Variants in DCDC2C observed in about 807,000 individuals in gnomAD.
DCDC2C encodes doublecortin domain-containing protein 2C.
A neutral mutation model predicts 45.0 loss-of-function variants in DCDC2C; 44 were observed. The observed-to-expected ratio is 0.98, with a 90% CI of 0.77 to 1.26. DCDC2C has a LOEUF of 1.26. Among genes scored for constraint, DCDC2C ranks in the 50% most tolerant of loss-of-function variants. The probability of loss-of-function intolerance (pLI) is 0.00; values close to 1 mark genes in which losing one functional copy is unlikely to be tolerated. For missense variants in DCDC2C, 447 were observed against 468.9 expected, an observed-to-expected ratio of 0.95 and a Z score of 0.43; for synonymous variants, 187 against 178.8, an observed-to-expected ratio of 1.05 and a Z score of -0.37.
At chr2:3,710,509 C>A (rs1668176306) in intron 2 of DCDC2C, among the ~76,000 whole-genome samples, 2 of 152,158 alleles carry the variant, frequency 1.3e-5, no homozygotes, top group South Asian at 4.2e-4. Context: ...CTTCCAACTC[C>A]ATCCATGTCC....
chr2:3,769,638 C>T (rs1446331310), intron 8 of DCDC2C, among the ~76,000 whole-genome samples: 1 of 152,208 alleles, frequency 6.6e-6, no homozygotes, highest in African/African-American at 2.4e-5. Context: ...TAACACTTCA[C>T]TGTGTGTGAC....
rs141097417 is a variant in DCDC2C at position 3,742,348 on chromosome 2, A to C, written c.545+300A>C. ...CCCTATTGAGTGGGCCGACCGTTCA[A>C]GTTGCTAGAATGCTGCAGTTGGTAT... On this transcript the variant is annotated intron_variant, in intron 4 of 10. Coordinates refer to ENST00000399143, the MANE Select transcript of DCDC2C (RefSeq NM_001287444.2). Among the ~76,000 whole-genome samples, 331 of 152,292 alleles carry C rather than the reference A, an allele frequency of 2.2e-3. 4 individuals carry two copies. The highest frequency in any genetic ancestry group is 7.3e-3 in the African/African-American group (302 of 41,556).
intron 10 of DCDC2C, among the ~76,000 whole-genome samples, 199 bp from the exon 11 acceptor site, chr2:3,846,955 G>A (rs17508903): frequency 0.03 from 4,509 of 152,296 alleles, 103 homozygotes; most frequent in Non-Finnish European, 0.05. Flanking sequence ...GGTTCTGCAC[G>A]GCGGCATGTT....
In DCDC2C at chr2:3,847,207, G is replaced by A. The variant is rs1179740961; in HGVS notation, c.*24G>A. ...AACAAAACCACCTTTATTATTACCT[G>A]AAGTCCACTTTTCTTCAACCATGGG... is the stretch of plus-strand genomic sequence containing the variant. On this transcript the variant is annotated 3_prime_UTR_variant, in exon 11 of 11. Transcript: ENST00000399143. The A allele has an allele frequency of 4.1e-6, 5 of 1,230,092 alleles. No individual in the cohort carries two copies. The highest frequency in any genetic ancestry group is 4.2e-5 in the Admixed American group (1 of 23,692). 76.2% of individuals were successfully genotyped at this position (1,230,092 alleles called of 1,614,324 possible).
At chr2:3,788,212 A>T (rs1670704490) in intron 10 of DCDC2C, among the ~76,000 whole-genome samples, 1 of 152,264 alleles carries the variant, frequency 6.6e-6, no homozygotes, top group African/African-American at 2.4e-5. Flanking sequence ...AAAAGTAAAC[A>T]GATTGAATAA....
intron 6 of DCDC2C, among the ~76,000 whole-genome samples, chr2:3,759,733 GTA>G (rs1669826214): frequency 6.6e-6 from 1 of 152,220 alleles, no homozygotes; most frequent in South Asian, 2.1e-4. Flanking sequence ...ATGCATAAAA[GTA>G]TTTTCGATGT....
chr2:3,767,606 C>G (rs1486700089), intron 6 of DCDC2C, 148 bp from the exon 7 acceptor site: 1 of 812,746 alleles, frequency 1.2e-6, no homozygotes, highest in African/African-American at 1.8e-5. Context: ...AGGTTGCATT[C>G]GAAGTGAGGC....
chr2:3,743,961 T>A (rs946107903), intron 4 of DCDC2C, among the ~76,000 whole-genome samples: 19 of 152,016 alleles, frequency 1.2e-4, no homozygotes, highest in African/African-American at 4.6e-4. Flanking sequence ...CCCAGCTACT[T>A]GGGAGCCTGA....
intron 10 of DCDC2C, among the ~76,000 whole-genome samples, chr2:3,831,337 G>A (rs1398329132): frequency 2.6e-5 from 4 of 152,168 alleles, no homozygotes; most frequent in African/African-American, 9.7e-5. Flanking sequence ...AGAGAGCGAC[G>A]TGCACAAACC....
rs576353674 is a variant in DCDC2C at position 3,728,749 on chromosome 2, G to T, written c.416+1670G>T. On this transcript the variant is annotated intron_variant, in intron 3 of 10. Transcript: ENST00000399143. Reference sequence around the variant, plus strand: ...AACAGTAGTTATGACGGCTTTCAGAGGCTTAGATGCTCAGGAGAGAAAGGC... The same window carrying T: ...AACAGTAGTTATGACGGCTTTCAGATGCTTAGATGCTCAGGAGAGAAAGGC... 4.6e-5 allele frequency among the ~76,000 whole-genome samples: 7 copies of T among 152,016 alleles called. No homozygotes were observed. The East Asian group carries it at 9.6e-4, about 21-fold the overall frequency.
chr2:3,758,554 C>T (rs1669789093), intron 6 of DCDC2C, among the ~76,000 whole-genome samples: 2 of 152,188 alleles, frequency 1.3e-5, no homozygotes, highest in African/African-American at 4.8e-5. Context: ...TGCAGAGTGA[C>T]AGCCAGCTCT....
chr2:3,843,033 T>C (rs1672252414), intron 10 of DCDC2C, among the ~76,000 whole-genome samples: 1 of 152,184 alleles, frequency 6.6e-6, no homozygotes, highest in Non-Finnish European at 1.5e-5. Flanking sequence ...AATGTAAGGA[T>C]TTTGGTCTTT....
intron 2 of DCDC2C, among the ~76,000 whole-genome samples, chr2:3,721,456 A>G (rs1000294287): frequency 1.3e-5 from 2 of 152,126 alleles, no homozygotes; most frequent in Non-Finnish European, 1.5e-5. Context: ...GCAGGCTTTT[A>G]GTTGGATATT....
Position 3,754,578 on chromosome 2 carries a change from C to G in DCDC2C, c.684-14C>G. 6.5e-7 allele frequency: 1 copy of G among 1,548,842 alleles called. No homozygotes were observed. ...GGGCTTTACATTTCAAGTTGAACAT[C>G]TTTTGTCTTGCAGAAGGTATGCGAA... On this transcript the variant is annotated splice_polypyrimidine_tract_variant and intron_variant, in intron 5 of 10. Transcript: ENST00000399143.
intron 2 of DCDC2C, among the ~76,000 whole-genome samples, chr2:3,716,768 C>A (rs947677493): frequency 6.6e-6 from 1 of 152,178 alleles, no homozygotes; most frequent in Admixed American, 6.5e-5. Flanking sequence ...CCTGCCTATT[C>A]TGGACATTTT....
At chr2:3,763,503 C>T (rs914761554) in intron 6 of DCDC2C, among the ~76,000 whole-genome samples, 49 of 152,196 alleles carry the variant, frequency 3.2e-4, no homozygotes, top group African/African-American at 1.1e-3. Flanking sequence ...CCCAGGCTTT[C>T]GTATCCTTGT....
chr2:3,824,531 C>T (rs535157762), intron 10 of DCDC2C, among the ~76,000 whole-genome samples: 6 of 152,208 alleles, frequency 3.9e-5, no homozygotes, highest in African/African-American at 1.2e-4. Context: ...GGCCTTTTTG[C>T]GGGGGCTTGA....
In DCDC2C at chr2:3,843,505, A is replaced by G. The variant is rs562392909; in HGVS notation, c.1066-3649A>G. ...GGTTTTGTTTTCAGTTTTCAGGAGC[A>G]TCTTTTTAATTTCCTCTGCCAAATG... On this transcript the variant is annotated intron_variant, in intron 10 of 10. Coordinates refer to ENST00000399143, the MANE Select transcript of DCDC2C (RefSeq NM_001287444.2). 2.6e-5 allele frequency among the ~76,000 whole-genome samples: 4 copies of G among 152,310 alleles called. No individual in the cohort carries two copies. In the East Asian group the frequency reaches 5.8e-4, roughly 22 times the overall value.
chr2:3,722,337 T>G (rs1472571959), intron 2 of DCDC2C, among the ~76,000 whole-genome samples: 2 of 152,226 alleles, frequency 1.3e-5, no homozygotes, highest in Non-Finnish European at 2.9e-5. Flanking sequence ...GGACACTTAA[T>G]AGCTGTATGT....
Sources: gnomAD v4.1 joint callset for allele counts (sites outside exome capture counted in the v4.1 genomes callset) on GRCh38, gnomAD v4.1.1 for gene constraint, MANE v1.5 for transcripts, NCBI Gene and HGNC (gene_info 2026-07-23, HGNC 2026-07-21) for gene names.